The following AEN variants were observed in gnomAD, a reference collection of about 807,000 sequenced individuals.
AEN encodes the protein apoptosis-enhancing nuclease.
In AEN, 21 loss-of-function variants were observed where a neutral mutation model predicts 17.7. The observed-to-expected ratio is 1.19, with a 90% CI of 0.84 to 1.71. The LOEUF (loss-of-function observed/expected upper bound fraction) is 1.71. AEN is among the 40% of genes most tolerant of loss of function. The pLI, the probability that AEN is intolerant of heterozygous loss-of-function variation, is 0.00. For synonymous variants in AEN, 190 were observed against 173.0 expected (o/e 1.10, Z -0.77); for missense variants, 462 against 435.9 (o/e 1.06, Z -0.53).
chr15:88,620,144 A>T (rs2057770261), upstream of AEN, among the ~76,000 whole-genome samples: 1 of 152,152 alleles, frequency 6.6e-6, no homozygotes, highest in South Asian at 2.1e-4. Flanking sequence ...CTTATTTCTC[A>T]TCACAGGTAC....
chr15:88,615,503 C>G, the AEN span, among the ~76,000 whole-genome samples: 1 of 152,172 alleles, frequency 6.6e-6, no homozygotes. Flanking sequence ...AAACAAGTAC[C>G]TTATTCACAT....
chr15:88,623,383 G>A (rs548747784), intron 1 of AEN, among the ~76,000 whole-genome samples: 1 of 152,076 alleles, frequency 6.6e-6, no homozygotes, highest in African/African-American at 2.4e-5. Context: ...CATCAAACCT[G>A]GCATTTCACC....
Position 88,630,062 on chromosome 15 carries a change from G to A in AEN, c.746G>A (p.Gly249Asp), listed in dbSNP as rs766404986. The change falls in exon 4 of 4, where the codon GGC becomes GAC. Residue 249 changes from glycine to aspartate, a missense_variant. Coordinates refer to ENST00000332810, the MANE Select transcript of AEN (RefSeq NM_022767.4). The surrounding 1 kb of genome is among the most constrained non-coding windows in gnomAD (Gnocchi z 5.1). ...LQLLHKKIQV[G>D]QHGHSSVEDA... ...TGTGTTGGCTCTCGTCAGTAGGTGG[G>A]CCAGCACGGGCACTCATCAGTAGAA... 2 of 1,614,012 alleles carry A rather than the reference G, an allele frequency of 1.2e-6. No individual in the cohort carries two copies. The highest frequency in any genetic ancestry group is 1.3e-5 in the African/African-American group (1 of 75,026).
At chr15:88,609,481 C>T in the AEN span, among the ~76,000 whole-genome samples, 1,467 of 152,162 alleles carry the variant, frequency 9.6e-3, 26 homozygotes, top group South Asian at 0.043. Flanking sequence ...CATGGAGTGG[C>T]CACATTGAGG....
the AEN span, among the ~76,000 whole-genome samples, chr15:88,608,349 T>C: frequency 6.6e-6 from 1 of 152,220 alleles, no homozygotes; most frequent in Non-Finnish European, 1.5e-5. Flanking sequence ...TACCTACCTA[T>C]TCGCAGCTTA....
the AEN span, among the ~76,000 whole-genome samples, chr15:88,610,828 G>A: frequency 6.6e-6 from 1 of 152,208 alleles, no homozygotes; most frequent in African/African-American, 2.4e-5. Context: ...TCTCTGAGCC[G>A]CCAGGATATT....
Position 88,630,233 on chromosome 15 carries a change from C to G in AEN, c.917C>G (p.Pro306Arg). 6.2e-7 allele frequency: 1 copy of G among 1,604,302 alleles called. No homozygotes were observed. Among genetic ancestry groups the G allele is most frequent in the South Asian group, 1.1e-5 (1 of 89,630 alleles). The change falls in exon 4 of 4, where the codon CCC (proline) becomes CGC (arginine). Residue 306 changes from proline (P) to arginine (R), a missense_variant. Physicochemically the swap from Pro to Arg is moderately radical, Grantham distance 103. Transcript: ENST00000332810. This position sits in a 1 kb window ranked among gnomAD's most constrained non-coding sequence, Gnocchi z 5.1. The stretch of plus-strand genomic sequence containing the variant: ...CAGTACATGGAGGACCAGTACTGGC[C>G]CGATGACCTGGCCCACGGCAGCAGA... ...MEQYMEDQYW[P>R]DDLAHGSRGG...
In AEN at chr15:88,626,229, C is replaced by T; in HGVS notation, c.20C>T (p.Pro7Leu). 2 of 1,596,838 alleles carry T rather than the reference C, an allele frequency of 1.3e-6. No individual in the cohort carries two copies. Among genetic ancestry groups the T allele is most frequent in the Non-Finnish European group, 1.7e-6 (2 of 1,169,406 alleles). ...ACTGGAATGGTACCCCGGGAGGCCC[C>T]TGAGTCTGCTCAGTGCCTGTGCCCT... MVPREA[P>L]ESAQCLCPSL... The change falls in exon 2 of 4, where the codon CCT becomes CTT. Residue 7 changes from proline (P) to leucine (L), a missense_variant. Physicochemically the swap from Pro to Leu is moderately conservative, Grantham distance 98. Transcript: ENST00000332810.
In AEN at chr15:88,626,486, T is replaced by C. The variant is rs748689669; in HGVS notation, c.277T>C (p.Cys93Arg). The C allele has an allele frequency of 1.2e-6, 2 of 1,614,078 alleles. No homozygotes were observed. Among genetic ancestry groups the C allele is most frequent in the Admixed American group, 1.7e-5 (1 of 60,034 alleles). ...CLRAGSGSAP[C>R]SRRPAPGKAS... ...GAGGGCTGGATCTGGCAGTGCCCCATGCAGCAGAAGGCCTGCTCCCGGGAA... is the reference window on the plus strand; with the variant it reads ...GAGGGCTGGATCTGGCAGTGCCCCACGCAGCAGAAGGCCTGCTCCCGGGAA... The change falls in exon 2 of 4, where the codon TGC (cysteine) becomes CGC (arginine). Residue 93 changes from cysteine to arginine, a missense_variant. Cys to Arg is a radical substitution (Grantham distance 180). Coordinates refer to ENST00000332810, the MANE Select transcript of AEN (RefSeq NM_022767.4).
At chr15:88,618,086 T>TTTACC (rs2057753413), upstream of AEN, among the ~76,000 whole-genome samples, 1 of 152,130 alleles carries the variant, frequency 6.6e-6, no homozygotes, top group African/African-American at 2.4e-5. Context: ...AAAATCCCTT[T>TTTACC]TTGCCTACCC....
upstream of AEN, among the ~76,000 whole-genome samples, chr15:88,619,187 T>C (rs1396446602): frequency 6.6e-6 from 1 of 152,216 alleles, no homozygotes; most frequent in Admixed American, 6.5e-5. Context: ...ATACATTATT[T>C]AGAATTGCCC....
the AEN span, among the ~76,000 whole-genome samples, chr15:88,611,433 T>TAA: frequency 5.8e-3 from 544 of 94,004 alleles, 3 homozygotes; most frequent in African/African-American, 0.021. Context: ...TTGTCTTTAC[T>TAA]AAAAAAAAAA....
the AEN span, chr15:88,607,971 G>A: frequency 3.1e-5 from 10 of 318,136 alleles, no homozygotes; most frequent in East Asian, 6.7e-5. Context: ...TGAATTGTCC[G>A]GGGCAGCTAT....
chr15:88,626,095 C>A, intron 1 of AEN, 51 bp from the exon 2 acceptor site: 1 of 1,252,844 alleles, frequency 8.0e-7, no homozygotes, highest in Non-Finnish European at 1.1e-6. Context: ...GGTGGGTGGG[C>A]TGCCTGGCAC....
At position 88,630,718 on chromosome 15, in the gene AEN, CT is replaced by C. The variant is rs1430210892; in HGVS notation, c.*425del. 2.3e-5 allele frequency: 5 copies of C among 221,202 alleles called. No individual in the cohort carries two copies. The East Asian group carries it at 4.2e-4, about 19-fold the overall frequency. 13.7% of individuals were successfully genotyped at this position (221,202 alleles called of 1,614,324 possible). ...GATGGTGGGTGGGGGTGTCAATATC[CT>C]GGAGCTCCCTTACCCCAACTCAATG... On this transcript the variant is annotated 3_prime_UTR_variant, in exon 4 of 4. Coordinates refer to ENST00000332810, the MANE Select transcript of AEN (RefSeq NM_022767.4). The surrounding 1 kb of genome is among the most constrained non-coding windows in gnomAD (Gnocchi z 5.1).
the AEN span, among the ~76,000 whole-genome samples, chr15:88,609,050 C>G: frequency 6.6e-6 from 1 of 152,298 alleles, no homozygotes; most frequent in African/African-American, 2.4e-5. Context: ...CGGAAGAAGT[C>G]TTAATGTGAG....
the AEN span, among the ~76,000 whole-genome samples, chr15:88,607,262 T>C: frequency 1.3e-5 from 2 of 152,232 alleles, no homozygotes; most frequent in African/African-American, 4.8e-5. Flanking sequence ...AGCATCGCCT[T>C]CATAATTAGC....
chr15:88,621,394 G>A lies in AEN; in HGVS notation c.-65+12G>A, dbSNP rs1445521421. The A allele has an allele frequency of 6.6e-6, 1 of 152,318 alleles. No homozygotes were observed. Among genetic ancestry groups the A allele is most frequent in the Non-Finnish European group, 1.5e-5 (1 of 68,102 alleles). 9.4% of individuals were successfully genotyped at this position (152,318 alleles called of 1,614,324 possible). Reference sequence around the variant, plus strand: ...ACGCGGGGCTTCAGGTGAGATCCAGGACCCTGCACCGGGGCGGCGGGGTCG... The same window carrying A: ...ACGCGGGGCTTCAGGTGAGATCCAGAACCCTGCACCGGGGCGGCGGGGTCG... On this transcript the variant is annotated intron_variant, in intron 1 of 3. Coordinates refer to ENST00000332810, the MANE Select transcript of AEN (RefSeq NM_022767.4).
chr15:88,618,001 C>A (rs548683967), upstream of AEN, among the ~76,000 whole-genome samples: 10 of 152,292 alleles, frequency 6.6e-5, 1 homozygote, highest in East Asian at 1.9e-3. Flanking sequence ...TCTACTGCCC[C>A]ACCCTGTCAC....
Sources: gnomAD v4.1 joint callset for allele counts (sites outside exome capture counted in the v4.1 genomes callset) on GRCh38, gnomAD v4.1.1 for gene constraint, Gnocchi (gnomAD v3.1) non-coding constraint, MANE v1.5 for transcripts, NCBI Gene and HGNC (gene_info 2026-07-23, HGNC 2026-07-21) for gene names.